SYNRG: variants seen among roughly 807,000 people sequenced by gnomAD.
SYNRG encodes the protein synergin gamma.
In SYNRG, 37 loss-of-function variants were observed where a neutral mutation model predicts 130.9. That is an observed-to-expected ratio of 0.28 (90% CI 0.22 to 0.37). SYNRG has a LOEUF of 0.37. Among genes scored for constraint, SYNRG ranks in the 10% least tolerant of loss-of-function variants. The probability of loss-of-function intolerance (pLI) is 1.00; values close to 1 mark genes in which losing one functional copy is unlikely to be tolerated. For missense variants in SYNRG, 1,338 were observed against 1,588.9 expected (o/e 0.84, Z 2.68); for synonymous variants, 539 against 568.1 (o/e 0.95, Z 0.73).
intron 6 of SYNRG, chr17:37,584,213 T>C (rs774040291): frequency 6.5e-6 from 1 of 154,470 alleles, no homozygotes; most frequent in Non-Finnish European, 1.4e-5. Flanking sequence ...AAGAGCATTA[T>C]TATACTCATG....
intron 7 of SYNRG, 140 bp from the exon 8 acceptor site, chr17:37,576,558 C>A (rs1598454046): frequency 1.6e-6 from 1 of 638,454 alleles, no homozygotes; most frequent in Non-Finnish European, 2.6e-6. Context: ...CTTGGTCCCC[C>A]CTGCCTCCGA....
intron 13 of SYNRG, among the ~76,000 whole-genome samples, chr17:37,555,600 G>A (rs573913837): frequency 8.1e-4 from 124 of 152,244 alleles, no homozygotes; most frequent in African/African-American, 3.0e-3. Flanking sequence ...TAAACCAAAT[G>A]TAAATATAGT....
chr17:37,538,242 T>C, intron 18 of SYNRG, 82 bp downstream of exon 18: 6 of 1,057,100 alleles, frequency 5.7e-6, no homozygotes, highest in Non-Finnish European at 8.3e-6. Flanking sequence ...ACTTGAGAGA[T>C]CTAGCTTAAA....
At chr17:37,534,495 G>A (rs982923699) in intron 19 of SYNRG, among the ~76,000 whole-genome samples, 1 of 152,072 alleles carries the variant, frequency 6.6e-6, no homozygotes, top group Admixed American at 6.6e-5. Flanking sequence ...CAAAGTGCTG[G>A]CATGACAGGG....
chr17:37,547,615 A>G (rs1026128262), intron 14 of SYNRG, among the ~76,000 whole-genome samples: 2 of 152,076 alleles, frequency 1.3e-5, no homozygotes, highest in Non-Finnish European at 2.9e-5. Context: ...GGCACGAGCC[A>G]CCACACCTGG....
intron 6 of SYNRG, among the ~76,000 whole-genome samples, chr17:37,581,885 C>A (rs983954266): frequency 6.6e-6 from 1 of 152,046 alleles, no homozygotes; most frequent in African/African-American, 2.4e-5. Context: ...CTGCCTCAGC[C>A]TCCTGAATGG....
chr17:37,607,023 A>C (rs932955152), intron 1 of SYNRG, among the ~76,000 whole-genome samples: 4 of 152,220 alleles, frequency 2.6e-5, no homozygotes, highest in African/African-American at 9.7e-5. Context: ...TCTCTAAAAA[A>C]AATAATATTC....
rs2062766500 is a variant in SYNRG, at chr17:37,596,288, T to C, written c.175A>G (p.Asn59Asp). The C allele has an allele frequency of 1.2e-6, 2 of 1,614,190 alleles. No homozygotes were observed. The highest frequency in any genetic ancestry group is 2.2e-5 in the East Asian group (1 of 44,888). ...TTCATTCCCATAATGCCTTGCATATTAGGCTGCATGACAGAGACCATAGGA... is the reference window on the plus strand; with the variant it reads ...TTCATTCCCATAATGCCTTGCATATCAGGCTGCATGACAGAGACCATAGGA... ...GFPMVSVMQP[N>D]MQGIMGMNYS... Residue 59 changes from asparagine (N) to aspartate (D), a missense_variant, in exon 3 of 22, where the codon AAT becomes GAT. Asn to Asp is a conservative substitution (Grantham distance 23). Around this residue, in one of 3 missense-constraint regions of SYNRG, gnomAD observed 184 missense variants for 217.2 expected, o/e 0.85. Transcript: ENST00000612223.
rs997111385 is a variant in SYNRG at position 37,515,693 on chromosome 17, G to C, written c.*3247C>G. On this transcript the variant is annotated 3_prime_UTR_variant, in exon 22 of 22. Transcript: ENST00000612223. The stretch of plus-strand genomic sequence containing the variant: ...AGGCTGGTCTTGAACTCCTGACCTC[G>C]GGTGATCCACCCGGCTCGGCCTCCC... 1 of 152,182 alleles carries C rather than the reference G, an allele frequency of 6.6e-6. No homozygotes were observed. 9.4% of individuals were successfully genotyped at this position (152,182 alleles called of 1,614,324 possible).
intron 11 of SYNRG, among the ~76,000 whole-genome samples, chr17:37,566,224 C>T (rs1292475893): frequency 1.3e-5 from 2 of 151,980 alleles, no homozygotes; most frequent in Admixed American, 6.6e-5. Flanking sequence ...ATTGAGAAAT[C>T]GGATGGTTGC....
chr17:37,603,656 A>T (rs2063492765), intron 1 of SYNRG, among the ~76,000 whole-genome samples: 1 of 152,200 alleles, frequency 6.6e-6, no homozygotes, highest in African/African-American at 2.4e-5. Context: ...TTCAAAAGAA[A>T]CTTTTTTCTG....
rs753179685 is a variant in SYNRG, at chr17:37,520,684, A to G, written c.3667-36T>C. On this transcript the variant is annotated intron_variant, in intron 19 of 21. Transcript: ENST00000612223. ...GACAAGACAAATGGGTAAGAAGTCC[A>G]CAAGTCCACACGCTGTTCACTTCAC... is the stretch of plus-strand genomic sequence containing the variant. The G allele has an allele frequency of 1.9e-6, 3 of 1,552,274 alleles. No homozygotes were observed. The East Asian group carries it at 6.7e-5, about 35-fold the overall frequency.
At chr17:37,579,211 C>T in intron 6 of SYNRG, 2 of 1,256,978 alleles carry the variant, frequency 1.6e-6, no homozygotes, top group South Asian at 1.4e-5. Context: ...AGGCAAAAGG[C>T]ACTGGACTCT....
rs530252918 is a variant in SYNRG at position 37,526,106 on chromosome 17, C to A, written c.3667-5458G>T. Among the ~76,000 whole-genome samples the A allele has an allele frequency of 5.3e-5, 8 of 152,042 alleles. No homozygotes were observed. The East Asian group carries it at 1.5e-3, about 29-fold the overall frequency. Reference sequence around the variant, plus strand: ...TGAGATTGCACCACTGCACTCCAGCCTGGGCAACAGAGGAAGATGCCATCT... The same window carrying A: ...TGAGATTGCACCACTGCACTCCAGCATGGGCAACAGAGGAAGATGCCATCT... On this transcript the variant is annotated intron_variant, in intron 19 of 21. Coordinates refer to ENST00000612223, the MANE Select transcript of SYNRG (RefSeq NM_007247.6).
chr17:37,541,895 C>T, intron 15 of SYNRG, 77 bp downstream of exon 15: 2 of 1,348,418 alleles, frequency 1.5e-6, no homozygotes, highest in African/African-American at 1.5e-5. Flanking sequence ...CAGAGAGCAA[C>T]ATTTTATTCT....
intron 7 of SYNRG, among the ~76,000 whole-genome samples, chr17:37,577,087 GAA>G (rs1028441201): frequency 5.3e-4 from 81 of 151,880 alleles, no homozygotes; most frequent in African/African-American, 1.9e-3. Context: ...TATAAGGGGG[GAA>G]AAAAGAGAGT....
At chr17:37,539,382 T>A in intron 16 of SYNRG, 137 bp from the exon 17 acceptor site, 2 of 900,074 alleles carry the variant, frequency 2.2e-6, no homozygotes, top group Non-Finnish European at 3.3e-6. Flanking sequence ...ATGTTTTTTT[T>A]GTTTTTGTTT....
At chr17:37,581,825 C>T (rs1332614509) in intron 6 of SYNRG, among the ~76,000 whole-genome samples, 1 of 149,208 alleles carries the variant, frequency 6.7e-6, no homozygotes, top group Non-Finnish European at 1.5e-5. Flanking sequence ...AGTACAATGG[C>T]ATGATCTCCG....
chr17:37,576,968 T>C (rs1842937266), intron 7 of SYNRG, among the ~76,000 whole-genome samples: 1 of 152,176 alleles, frequency 6.6e-6, no homozygotes, highest in Non-Finnish European at 1.5e-5. Context: ...ATTTAGATCT[T>C]TTAGGCAGTG....
Sources: allele counts gnomAD v4.1 joint callset (sites outside exome capture counted in the v4.1 genomes callset), GRCh38; gene constraint gnomAD v4.1.1; regional missense constraint gnomAD v4.1.1; transcripts MANE v1.5; gene names NCBI Gene and HGNC (gene_info 2026-07-23, HGNC 2026-07-21).